The following FIBCD1 variants were observed in gnomAD, a reference collection of about 807,000 sequenced individuals.
The protein encoded by FIBCD1 is fibrinogen C domain containing 1.
Under a neutral mutation model 45.1 loss-of-function variants are expected in FIBCD1, and 47 were observed. The observed-to-expected ratio is 1.04, with a 90% CI of 0.82 to 1.33. The LOEUF (loss-of-function observed/expected upper bound fraction) is 1.33. Ranked by LOEUF, FIBCD1 falls within the 40% of genes most tolerant of loss-of-function variation. The probability of loss-of-function intolerance (pLI) is 0.00; values close to 1 mark genes in which losing one functional copy is unlikely to be tolerated. For missense variants in FIBCD1, 653 were observed against 682.2 expected (o/e 0.96, Z 0.48); for synonymous variants, 313 against 308.1 (o/e 1.02, Z -0.17).
intron 4 of FIBCD1, among the ~76,000 whole-genome samples, chr9:130,913,773 G>A (rs962992613): frequency 3.3e-5 from 5 of 152,152 alleles, no homozygotes; most frequent in Non-Finnish European, 7.4e-5. Flanking sequence ...AGAAGGCAGC[G>A]GGCAGTAGGA....
chr9:130,914,040 A>G (rs1036846821), intron 4 of FIBCD1, among the ~76,000 whole-genome samples: 2 of 152,168 alleles, frequency 1.3e-5, no homozygotes, highest in African/African-American at 4.8e-5. Flanking sequence ...TCTGTAAAGC[A>G]GAGATCACAG....
At chr9:130,916,546 C>T (rs1190992665) in intron 4 of FIBCD1, among the ~76,000 whole-genome samples, 8 of 152,244 alleles carry the variant, frequency 5.3e-5, no homozygotes, top group African/African-American at 1.2e-4. Flanking sequence ...CCCAGCTTCC[C>T]GTGTGGGGGA....
chr9:130,922,610 C>T lies in FIBCD1; in HGVS notation c.849+1134G>A, dbSNP rs1386939827. 2.6e-5 allele frequency among the ~76,000 whole-genome samples: 4 copies of T among 152,032 alleles called. No homozygotes were observed. The highest frequency in any genetic ancestry group is 9.7e-5 in the African/African-American group (4 of 41,366). ...TCCCATCATAGACCTGTGGACTGAA[C>T]GGTCGAAACACCTCCTCCCCGTCCC... On this transcript the variant is annotated intron_variant, in intron 4 of 6. Coordinates refer to ENST00000372338, the MANE Select transcript of FIBCD1 (RefSeq NM_032843.5). This position sits in a 1 kb window ranked among gnomAD's most constrained non-coding sequence, Gnocchi z 4.5.
Position 130,927,071 on chromosome 9 carries a change from CA to C in FIBCD1, c.552+2495del, listed in dbSNP as rs35480256. On this transcript the variant is annotated intron_variant, in intron 2 of 6. Transcript: ENST00000372338. ...TGAGCACCATAGCAAGACCTCTCTA[CA>C]AAAAAATTTTAATCAAAAAAATTAG... 1.1e-4 allele frequency among the ~76,000 whole-genome samples: 16 copies of C among 151,816 alleles called. No homozygotes were observed. In the Middle Eastern group the frequency reaches 0.01, roughly 97 times the overall value.
rs958143501 is a variant in FIBCD1, at chr9:130,922,077, C to A, written c.849+1667G>T. On this transcript the variant is annotated intron_variant, in intron 4 of 6. Transcript: ENST00000372338. The surrounding 1 kb of genome is among the most constrained non-coding windows in gnomAD (Gnocchi z 4.5). ...AGGCTGCCTGCACCCCTGCCTCCCC[C>A]AAAAACTCCCCGCCAAGAGGCTTCC... is the stretch of plus-strand genomic sequence containing the variant. Among the ~76,000 whole-genome samples, 1 of 152,172 alleles carries A rather than the reference C, an allele frequency of 6.6e-6. No individual in the cohort carries two copies. Among genetic ancestry groups the A allele is most frequent in the African/African-American group, 2.4e-5 (1 of 41,444 alleles).
At position 130,922,423 on chromosome 9, in the gene FIBCD1, A is replaced by G. The variant is rs1832277201; in HGVS notation, c.849+1321T>C. Reference sequence around the variant, plus strand: ...AAGAGGTCTAAGGATGTAGGTGGGCATCCCCGTTTCACAGCTGAGGAAACG... The same window carrying G: ...AAGAGGTCTAAGGATGTAGGTGGGCGTCCCCGTTTCACAGCTGAGGAAACG... On this transcript the variant is annotated intron_variant, in intron 4 of 6. Transcript: ENST00000372338. The surrounding 1 kb of genome is among the most constrained non-coding windows in gnomAD (Gnocchi z 4.5). 6.6e-6 allele frequency among the ~76,000 whole-genome samples: 1 copy of G among 152,134 alleles called. No individual in the cohort carries two copies. Among genetic ancestry groups the G allele is most frequent in the South Asian group, 2.1e-4 (1 of 4,822 alleles).
At chr9:130,906,916 C>T (rs1221873215) in intron 5 of FIBCD1, among the ~76,000 whole-genome samples, 3 of 152,138 alleles carry the variant, frequency 2.0e-5, no homozygotes, top group Non-Finnish European at 4.4e-5. Context: ...CCCAAGGCCC[C>T]GGGGAAGGAG....
At chr9:130,907,561 A>C (rs1831950987) in intron 5 of FIBCD1, among the ~76,000 whole-genome samples, 1 of 152,170 alleles carries the variant, frequency 6.6e-6, no homozygotes, top group African/African-American at 2.4e-5. Context: ...ACCCCAGTGG[A>C]CTTCCAGCTG....
At chr9:130,924,105 C>A in intron 3 of FIBCD1, 132 bp downstream of exon 3, 1 of 1,322,408 alleles carries the variant, frequency 7.6e-7, no homozygotes, top group East Asian at 2.5e-5. Context: ...ACCGAGAGGG[C>A]TTCAGCGCAG....
At chr9:130,930,817 G>C in intron 1 of FIBCD1, 1 of 456,170 alleles carries the variant, frequency 2.2e-6, no homozygotes, top group Non-Finnish European at 4.4e-6. Context: ...GAGCAATATA[G>C]AGACACCCAC....
Position 130,902,700 on chromosome 9 carries a change from T to C in FIBCD1, c.*1364A>G, listed in dbSNP as rs922131360. The C allele has an allele frequency of 6.6e-6, 1 of 151,590 alleles. No homozygotes were observed. Among genetic ancestry groups the C allele is most frequent in the Non-Finnish European group, 1.5e-5 (1 of 67,904 alleles). 9.4% of individuals were successfully genotyped at this position (151,590 alleles called of 1,614,324 possible). On this transcript the variant is annotated 3_prime_UTR_variant, in exon 7 of 7. Transcript: ENST00000372338. ...CTCCAGCCCTTTCGGAGGCCCCCCA[T>C]CAGGAGGCCTTGGAAAAGCCGCCCT...
intron 4 of FIBCD1, among the ~76,000 whole-genome samples, chr9:130,921,364 G>C (rs1005275412): frequency 1.2e-4 from 19 of 152,252 alleles, no homozygotes; most frequent in African/African-American, 4.6e-4. Flanking sequence ...CATGTGGCGG[G>C]GGGTGATCCT....
At chr9:130,905,471 G>T (rs951276513) in intron 5 of FIBCD1, 58 bp from the exon 6 acceptor site, 2 of 1,520,480 alleles carry the variant, frequency 1.3e-6, no homozygotes, top group Non-Finnish European at 1.8e-6. Context: ...CGACTCCCCA[G>T]GGAGAAATGA....
chr9:130,912,631 C>T lies in FIBCD1; in HGVS notation c.850-743G>A, dbSNP rs139738324. Among the ~76,000 whole-genome samples, 999 of 151,550 alleles carry T rather than the reference C, an allele frequency of 6.6e-3. 10 individuals are homozygous for T. Among genetic ancestry groups the T allele is most frequent in the African/African-American group, 0.022 (927 of 41,300 alleles). The stretch of plus-strand genomic sequence containing the variant: ...CTGAGGCAGGAGAATCGCTTGATCC[C>T]GGGAGGCGCAGGTTGCAGTGAGCCG... On this transcript the variant is annotated intron_variant, in intron 4 of 6. Transcript: ENST00000372338.
intron 5 of FIBCD1, among the ~76,000 whole-genome samples, chr9:130,907,723 C>A (rs763446012): frequency 3.9e-5 from 6 of 152,002 alleles, no homozygotes; most frequent in Non-Finnish European, 8.8e-5. Context: ...TATGGTGAAA[C>A]CCCTGTCTGT....
intron 1 of FIBCD1, among the ~76,000 whole-genome samples, chr9:130,934,331 A>G (rs1428846819): frequency 6.6e-6 from 1 of 152,190 alleles, no homozygotes; most frequent in Non-Finnish European, 1.5e-5. Flanking sequence ...GGGGTCCCAA[A>G]GACTTAGGAA....
chr9:130,929,755 GCT>G lies in FIBCD1; in HGVS notation c.362_363del (p.Glu121AlafsTer57), dbSNP rs1564340510. ...AQASVLQALTEHQAQPRLVGD... is the reference protein window; with the variant it reads ...AQASVLQALTXHQAQPRLVGD... ...CCCACCAGCCGTGGCTGGGCCTGGT[GCT>G]CTGTCAGCGCCTGCAGCACCGAGGC... On this transcript the variant is annotated frameshift_variant, in exon 2 of 7. Transcript: ENST00000372338. LOFTEE classifies it high-confidence loss of function. The G allele has an allele frequency of 9.6e-6, 15 of 1,563,550 alleles. No individual in the cohort carries two copies. Among genetic ancestry groups the G allele is most frequent in the Non-Finnish European group, 1.2e-5 (14 of 1,154,316 alleles).
In FIBCD1 at chr9:130,911,787, C is replaced by A; in HGVS notation, c.946+5G>T. 1 of 1,593,608 alleles carries A rather than the reference C, an allele frequency of 6.3e-7. No individual in the cohort carries two copies. Among genetic ancestry groups the A allele is most frequent in the Non-Finnish European group, 8.5e-7 (1 of 1,171,278 alleles). ...CCTGGGCCGGATGGTGGGTGGGGTG[C>A]TCACCTAGCCAGTGCTCCCCGGTGA... On this transcript the variant is annotated splice_donor_5th_base_variant and intron_variant, in intron 5 of 6. Transcript: ENST00000372338.
chr9:130,914,667 C>T (rs1007133016), intron 4 of FIBCD1, among the ~76,000 whole-genome samples: 1 of 152,222 alleles, frequency 6.6e-6, no homozygotes, highest in African/African-American at 2.4e-5. Flanking sequence ...AGCAAGAAGC[C>T]CCGGTAGCCC....
Sources: gnomAD v4.1 joint callset for allele counts (sites outside exome capture counted in the v4.1 genomes callset) on GRCh38, gnomAD v4.1.1 for gene constraint, Gnocchi (gnomAD v3.1) non-coding constraint, MANE v1.5 for transcripts, NCBI Gene and HGNC (gene_info 2026-07-23, HGNC 2026-07-21) for gene names.